FOXP2: variants seen among roughly 807,000 people sequenced by gnomAD.
FOXP2 encodes forkhead box protein P2.
In FOXP2, 12 loss-of-function variants were observed where a neutral mutation model predicts 115.8. The observed-to-expected ratio is 0.10, with a 90% CI of 0.07 to 0.17. FOXP2 has a LOEUF of 0.17. Ranked by LOEUF, FOXP2 falls within the 10% of genes least tolerant of loss-of-function variation. FOXP2 has a pLI of 1.00. For synonymous variants in FOXP2, 328 were observed against 297.7 expected, an observed-to-expected ratio of 1.10 and a Z score of -1.05; for missense variants, 629 against 843.5, an observed-to-expected ratio of 0.75 and a Z score of 3.15.
At chr7:114,646,595 A>G (rs947608931) in intron 8 of FOXP2, among the ~76,000 whole-genome samples, 2 of 152,058 alleles carry the variant, frequency 1.3e-5, no homozygotes, top group Admixed American at 6.6e-5. Flanking sequence ...GACAGAACTA[A>G]TGACAGGAGG....
At chr7:114,169,848 A>C (rs2129152588) in intron 1 of FOXP2, among the ~76,000 whole-genome samples, 1 of 152,282 alleles carries the variant, frequency 6.6e-6, no homozygotes, top group Non-Finnish European at 1.5e-5. Flanking sequence ...ATAGTGAATA[A>C]GCCTCAGGAG....
At chr7:114,590,630 C>A (rs768791615) in intron 3 of FOXP2, among the ~76,000 whole-genome samples, 3 of 152,040 alleles carry the variant, frequency 2.0e-5, no homozygotes, top group African/African-American at 7.2e-5. Flanking sequence ...CTTTTAGGTC[C>A]GTCTTGCTCT....
chr7:114,211,931 G>C (rs775782300), intron 1 of FOXP2, among the ~76,000 whole-genome samples: 72 of 152,012 alleles, frequency 4.7e-4, no homozygotes, highest in Non-Finnish European at 8.8e-4. Flanking sequence ...AAATTAGCTG[G>C]ACGTAGTGGT....
At chr7:114,686,649 T>A (rs973983656) in intron 16 of FOXP2, among the ~76,000 whole-genome samples, 2 of 152,182 alleles carry the variant, frequency 1.3e-5, no homozygotes, top group African/African-American at 4.8e-5. Context: ...TTCTCAAGAT[T>A]GGTAAACATT....
At chr7:114,405,213 C>A (rs1227286605) in intron 2 of FOXP2, among the ~76,000 whole-genome samples, 1 of 151,730 alleles carries the variant, frequency 6.6e-6, no homozygotes, top group African/African-American at 2.4e-5. Context: ...TTTACTTTTT[C>A]TGAAAAACAG....
intron 2 of FOXP2, among the ~76,000 whole-genome samples, chr7:114,439,429 T>G (rs1794500851): frequency 6.6e-6 from 1 of 152,194 alleles, no homozygotes; most frequent in Non-Finnish European, 1.5e-5. Flanking sequence ...CAGACATCTC[T>G]AGTTGATTAA....
At chr7:114,509,708 A>C (rs1345234451) in intron 2 of FOXP2, among the ~76,000 whole-genome samples, 1 of 151,866 alleles carries the variant, frequency 6.6e-6, no homozygotes, top group Non-Finnish European at 1.5e-5. Flanking sequence ...CAGTTGATAA[A>C]TTATTAAATT....
At chr7:114,301,318 A>C (rs1262686819) in intron 2 of FOXP2, among the ~76,000 whole-genome samples, 2 of 152,146 alleles carry the variant, frequency 1.3e-5, no homozygotes, top group East Asian at 3.8e-4. Flanking sequence ...ACATAAAATA[A>C]GGTTAGGTCT....
At chr7:114,486,750 T>A (rs1380475626) in intron 2 of FOXP2, among the ~76,000 whole-genome samples, 1 of 152,218 alleles carries the variant, frequency 6.6e-6, no homozygotes, top group Non-Finnish European at 1.5e-5. Flanking sequence ...CATGCAAGTT[T>A]GAAATCCATT....
intron 1 of FOXP2, among the ~76,000 whole-genome samples, chr7:114,102,471 C>T (rs1231993215): frequency 6.6e-6 from 1 of 151,876 alleles, no homozygotes; most frequent in Non-Finnish European, 1.5e-5. Flanking sequence ...TGGACAATAC[C>T]TAAATGAATG....
intron 2 of FOXP2, among the ~76,000 whole-genome samples, chr7:114,468,346 G>C (rs1388190744): frequency 1.3e-5 from 2 of 152,122 alleles, no homozygotes; most frequent in Non-Finnish European, 2.9e-5. Flanking sequence ...ATGTGTATGT[G>C]TGTGTAATGC....
intron 16 of FOXP2, among the ~76,000 whole-genome samples, chr7:114,673,410 C>G (rs1043732382): frequency 6.6e-6 from 1 of 152,154 alleles, no homozygotes; most frequent in East Asian, 1.9e-4. Context: ...TTGGTCACAA[C>G]TATCACTTTT....
chr7:114,553,920 G>C (rs891357487), intron 3 of FOXP2, among the ~76,000 whole-genome samples: 1 of 151,954 alleles, frequency 6.6e-6, no homozygotes, highest in Non-Finnish European at 1.5e-5. Flanking sequence ...ATTTGCTATT[G>C]ATCATCTGAT....
intron 2 of FOXP2, among the ~76,000 whole-genome samples, chr7:114,356,602 G>A (rs1211655402): frequency 6.6e-6 from 1 of 152,098 alleles, no homozygotes; most frequent in Non-Finnish European, 1.5e-5. Flanking sequence ...TCAAAAGCTT[G>A]GGTTCAAAAT....
rs59645611 is a variant in FOXP2 at position 114,440,989 on chromosome 7, G to A, written c.168+14310G>A. Among the ~76,000 whole-genome samples, 1,210 of 152,222 alleles carry A rather than the reference G, an allele frequency of 7.9e-3. 12 individuals are homozygous for A. The highest frequency in any genetic ancestry group is 0.028 in the African/African-American group (1,152 of 41,542). The stretch of plus-strand genomic sequence containing the variant: ...CTTAGAAAATGTAACCTTTGCTATT[G>A]AAATATGGCACAGCAAGATGCACAG... On this transcript the variant is annotated intron_variant, in intron 2 of 16. Coordinates refer to ENST00000350908, the MANE Select transcript of FOXP2 (RefSeq NM_014491.4).
chr7:114,228,783 T>G (rs1794801845), intron 1 of FOXP2, among the ~76,000 whole-genome samples: 1 of 146,332 alleles, frequency 6.8e-6, no homozygotes, highest in African/African-American at 2.6e-5. Context: ...GGAAACAAAG[T>G]ATAGAACTAC....
rs541850002 is a variant in FOXP2, at chr7:114,615,167, C to T, written c.259-13373C>T. 2.6e-5 allele frequency among the ~76,000 whole-genome samples: 4 copies of T among 152,080 alleles called. 1 individual carries two copies. The South Asian group carries it at 6.2e-4, about 24-fold the overall frequency. On this transcript the variant is annotated intron_variant, in intron 3 of 16. Transcript: ENST00000350908. ...CTGGGAGGCGGAGGTTGCAGTGAGC[C>T]GAGATCGTGCCACTGCACTCAAACT...
At chr7:114,491,285 T>C (rs1797039265) in intron 2 of FOXP2, among the ~76,000 whole-genome samples, 1 of 152,266 alleles carries the variant, frequency 6.6e-6, no homozygotes, top group Non-Finnish European at 1.5e-5. Context: ...CATGTGTCTT[T>C]TGGCTGCATA....
chr7:114,147,727 T>G (rs1218385220), intron 1 of FOXP2, among the ~76,000 whole-genome samples: 1 of 152,204 alleles, frequency 6.6e-6, no homozygotes, highest in Non-Finnish European at 1.5e-5. Context: ...TGAGCTAGTT[T>G]ATCTCATTAG....
Sources: gnomAD v4.1 joint callset for allele counts (sites outside exome capture counted in the v4.1 genomes callset) on GRCh38, gnomAD v4.1.1 for gene constraint, MANE v1.5 for transcripts, NCBI Gene and HGNC (gene_info 2026-07-23, HGNC 2026-07-21) for gene names.